SLC43A3: variants seen among roughly 807,000 people sequenced by gnomAD.
The protein encoded by SLC43A3 is solute carrier family 43 member 3.
A neutral mutation model predicts 53.3 loss-of-function variants in SLC43A3; 33 were observed. That is an observed-to-expected ratio of 0.62 (90% CI 0.47 to 0.83). The LOEUF is 0.83. SLC43A3 is among the 40% of genes least tolerant of loss of function. The pLI is 0.00. For synonymous variants in SLC43A3, 236 were observed against 246.2 expected (o/e 0.96, Z 0.39); for missense variants, 530 against 610.0 (o/e 0.87, Z 1.38).
intron 12 of SLC43A3, 136 bp from the exon 13 acceptor site, chr11:57,409,434 G>T: frequency 1.0e-6 from 1 of 960,246 alleles, no homozygotes; most frequent in Non-Finnish European, 1.5e-6. Flanking sequence ...ACACCTGTCT[G>T]GCCTTTCCCT....
chr11:57,412,050 C>G (rs1350613054), intron 11 of SLC43A3, among the ~76,000 whole-genome samples: 1 of 152,044 alleles, frequency 6.6e-6, no homozygotes, highest in Non-Finnish European at 1.5e-5. Context: ...AACCCAGGAG[C>G]AATAAAAAAC....
intron 2 of SLC43A3, 91 bp downstream of exon 2, chr11:57,426,497 A>T: frequency 3.4e-6 from 1 of 290,566 alleles, no homozygotes; most frequent in Non-Finnish European, 6.6e-6. Context: ...CCAATACATC[A>T]TCTTAGGCAC....
Position 57,417,892 on chromosome 11 carries a change from A to C in SLC43A3, c.532-5T>G. On this transcript the variant is annotated splice_polypyrimidine_tract_variant and splice_region_variant and intron_variant, in intron 7 of 13. Coordinates refer to ENST00000395124, the MANE Select transcript of SLC43A3 (RefSeq NM_199329.3). Reference sequence around the variant, plus strand: ...GATGCCTTTTTCATAAAGAAGCTGCAGAAGGAGAAGGAAAAAGTCAGTGTC... The same window carrying C: ...GATGCCTTTTTCATAAAGAAGCTGCCGAAGGAGAAGGAAAAAGTCAGTGTC... 1 of 1,613,810 alleles carries C rather than the reference A, an allele frequency of 6.2e-7. No homozygotes were observed. The highest frequency in any genetic ancestry group is 8.5e-7 in the Non-Finnish European group (1 of 1,179,806).
In SLC43A3 at chr11:57,408,262, T is replaced by C. The variant is rs145880042; in HGVS notation, c.1372-366A>G. Reference sequence around the variant, plus strand: ...TCACAATCAAGTCATTCGCCTCAGATTTCAAGTTTACTCTTTTGGCCATGC... The same window carrying C: ...TCACAATCAAGTCATTCGCCTCAGACTTCAAGTTTACTCTTTTGGCCATGC... On this transcript the variant is annotated intron_variant, in intron 13 of 13. Transcript: ENST00000395124. 2.9e-3 allele frequency: 584 copies of C among 200,562 alleles called. 2 individuals carry two copies. The highest frequency in any genetic ancestry group is 4.1e-3 in the Non-Finnish European group (402 of 97,322). The allele number at this position is 200,562 out of a possible 1,614,324, so 12.4% of individuals were successfully genotyped here.
Position 57,407,301 on chromosome 11 carries a change from G to C in SLC43A3, c.*491C>G, listed in dbSNP as rs1197664154. The C allele has an allele frequency of 6.4e-6, 1 of 155,058 alleles. No homozygotes were observed. The highest frequency in any genetic ancestry group is 1.9e-4 in the East Asian group (1 of 5,256). 9.6% of individuals were successfully genotyped at this position (155,058 alleles called of 1,614,324 possible). On this transcript the variant is annotated 3_prime_UTR_variant, in exon 14 of 14. Coordinates refer to ENST00000395124, the MANE Select transcript of SLC43A3 (RefSeq NM_199329.3). The stretch of plus-strand genomic sequence containing the variant: ...GCTGAGACTGGGCCCAGGGAACCCT[G>C]TCTGCTCCTCTTTTTCCCAGAGCTG...
chr11:57,424,081 G>T, intron 4 of SLC43A3, 53 bp from the exon 5 acceptor site: 1 of 1,565,760 alleles, frequency 6.4e-7, no homozygotes, highest in South Asian at 1.1e-5. Context: ...AGAAACCTGG[G>T]AGAAAAAACA....
chr11:57,409,999 A>C lies in SLC43A3; in HGVS notation c.1183T>G (p.Phe395Val). 6.2e-7 allele frequency: 1 copy of C among 1,613,336 alleles called. No homozygotes were observed. Among genetic ancestry groups the C allele is most frequent in the Non-Finnish European group, 8.5e-7 (1 of 1,179,810 alleles). Residue 395 changes from phenylalanine (F) to valine (V), a missense_variant, in exon 12 of 14, where the codon TTC becomes GTC. Physicochemically the swap from Phe to Val is conservative, Grantham distance 50. This residue lies in a region of SLC43A3 where 124 missense variants were observed against 166.4 expected (regional missense o/e 0.75). Coordinates refer to ENST00000395124, the MANE Select transcript of SLC43A3 (RefSeq NM_199329.3). ...GAGCGGCTGATCACTTGCAGGATGA[A>C]GGTGAGGTACTGGAGAGGGAGGATG... ...VPILPLQYLT[F>V]ILQVISRSFL...
Position 57,417,832 on chromosome 11 carries a change from C to A in SLC43A3, c.587G>T (p.Cys196Phe), listed in dbSNP as rs1278162846. ...AGTGCGTGCTACATGCCAGGTACTGCAGACAGAGATGAAGATGAAGGAGGC... is the reference window on the plus strand; with the variant it reads ...AGTGCGTGCTACATGCCAGGTACTGAAGACAGAGATGAAGATGAAGGAGGC... The part of the protein sequence containing the change: ...LRASFIFISV[C>F]STWHVARTFL... Residue 196 changes from cysteine (C) to phenylalanine (F), a missense_variant, in exon 8 of 14, where the codon TGC (cysteine) becomes TTC (phenylalanine). Cys to Phe is a radical substitution (Grantham distance 205). This residue lies in a region of SLC43A3 where 376 missense variants were observed against 386.7 expected (regional missense o/e 0.97). Coordinates refer to ENST00000395124, the MANE Select transcript of SLC43A3 (RefSeq NM_199329.3). 1.2e-6 allele frequency: 2 copies of A among 1,614,024 alleles called. No homozygotes were observed. The highest frequency in any genetic ancestry group is 8.5e-7 in the Non-Finnish European group (1 of 1,180,046).
intron 5 of SLC43A3, among the ~76,000 whole-genome samples, chr11:57,423,522 G>T (rs571024845): frequency 1.3e-5 from 2 of 152,088 alleles, no homozygotes; most frequent in Non-Finnish European, 2.9e-5. Context: ...TCTGCCTCCT[G>T]GGTTCAGGCA....
chr11:57,421,367 G>A lies in SLC43A3; in HGVS notation c.368C>T (p.Ala123Val). 2 of 1,613,582 alleles carry A rather than the reference G, an allele frequency of 1.2e-6. No individual in the cohort carries two copies. Among genetic ancestry groups the A allele is most frequent in the South Asian group, 2.2e-5 (2 of 90,888 alleles). ...TGGCATGGCCAGGAAGAGCAGCACG[G>A]CTGAGCCTGGACCATCAAAGTCAGA... Reference protein sequence around the residue: ...LIIAFTSAGSAVLLFLAMPML... With the variant: ...LIIAFTSAGSVVLLFLAMPML... Residue 123 changes from alanine (A) to valine (V), a missense_variant, in exon 6 of 14, where the codon GCC (alanine) becomes GTC (valine). Ala to Val is a moderately conservative substitution (Grantham distance 64). Around this residue, in one of 3 missense-constraint regions of SLC43A3, gnomAD observed 376 missense variants for 386.7 expected, o/e 0.97. Coordinates refer to ENST00000395124, the MANE Select transcript of SLC43A3 (RefSeq NM_199329.3).
At chr11:57,419,104 C>T (rs376719147) in intron 7 of SLC43A3, among the ~76,000 whole-genome samples, 2 of 152,062 alleles carry the variant, frequency 1.3e-5, no homozygotes, top group South Asian at 2.1e-4. Flanking sequence ...AGTCCTCATA[C>T]GACCCATCCC....
intron 5 of SLC43A3, among the ~76,000 whole-genome samples, chr11:57,422,576 C>A (rs1325520149): frequency 6.6e-6 from 1 of 152,172 alleles, no homozygotes; most frequent in Non-Finnish European, 1.5e-5. Flanking sequence ...CACAGTTTAC[C>A]ATTCAATTTC....
At chr11:57,423,091 G>T (rs1466985998) in intron 5 of SLC43A3, among the ~76,000 whole-genome samples, 5 of 152,142 alleles carry the variant, frequency 3.3e-5, no homozygotes, top group African/African-American at 1.2e-4. Flanking sequence ...GAAGAGTGAG[G>T]GATCAGGAGG....
At chr11:57,419,816 A>AAAG (rs1554973766) in intron 7 of SLC43A3, among the ~76,000 whole-genome samples, 13 of 147,668 alleles carry the variant, frequency 8.8e-5, no homozygotes, top group Non-Finnish European at 7.5e-5. Flanking sequence ...AAAAAAAAAA[A>AAAG]AGAGAGAGGA....
intron 7 of SLC43A3, among the ~76,000 whole-genome samples, chr11:57,419,348 C>T (rs146977560): frequency 3.3e-4 from 51 of 152,282 alleles, no homozygotes; most frequent in Non-Finnish European, 5.0e-4. Context: ...TGAAAACCAC[C>T]GACCTAGCCC....
intron 7 of SLC43A3, among the ~76,000 whole-genome samples, chr11:57,419,499 T>G (rs1158292411): frequency 2.0e-5 from 3 of 152,058 alleles, no homozygotes; most frequent in Non-Finnish European, 4.4e-5. Context: ...CTTCCAACTC[T>G]AGAGAGACAG....
At chr11:57,426,476 G>A (rs181379043) in intron 2 of SLC43A3, 112 bp downstream of exon 2, 2 of 399,772 alleles carry the variant, frequency 5.0e-6, no homozygotes, top group East Asian at 4.1e-5. Context: ...CAAATGTGGG[G>A]AATAAATACT....
At chr11:57,417,713 G>A in intron 8 of SLC43A3, 35 bp downstream of exon 8, 2 of 1,612,396 alleles carry the variant, frequency 1.2e-6, no homozygotes, top group Non-Finnish European at 1.7e-6. Flanking sequence ...GGGCCAATGA[G>A]GGGCTCTGGC....
chr11:57,426,345 T>A lies in SLC43A3; in HGVS notation c.-173A>T. The A allele has an allele frequency of 1.6e-6, 1 of 613,992 alleles. No individual in the cohort carries two copies. The highest frequency in any genetic ancestry group is 2.9e-6 in the Non-Finnish European group (1 of 350,746). The allele number at this position is 613,992 out of a possible 1,614,324, so 38.0% of individuals were successfully genotyped here. A position where few individuals can be genotyped will look rare whatever the true frequency, so the allele number is the denominator to read the frequency against. ...GGCAAAAACCATCAGCGGGTGATTC[T>A]CTGGATCCTGTAGAATAAAGATAGA... On this transcript the variant is annotated 5_prime_UTR_variant, in exon 3 of 14. Transcript: ENST00000395124.
Sources: gnomAD v4.1 joint callset for allele counts (sites outside exome capture counted in the v4.1 genomes callset) on GRCh38, gnomAD v4.1.1 for gene constraint, gnomAD v4.1.1 regional missense constraint, MANE v1.5 for transcripts, NCBI Gene and HGNC (gene_info 2026-07-23, HGNC 2026-07-21) for gene names.